The following TPH1 variants were observed in gnomAD, a reference collection of about 807,000 sequenced individuals.
The protein encoded by TPH1 is tryptophan 5-hydroxylase 1.
TPH1 carries 37 observed loss-of-function variants against 49.5 expected under a neutral mutation model. The ratio of observed to expected loss-of-function variants is 0.75; its 90% CI spans 0.58 to 0.98. The LOEUF (loss-of-function observed/expected upper bound fraction) is 0.98. Among genes scored for constraint, TPH1 ranks in the 50% least tolerant of loss-of-function variants. The pLI is 0.00. For missense variants in TPH1, 487 were observed against 523.6 expected (o/e 0.93, Z 0.68); for synonymous variants, 160 against 182.1 (o/e 0.88, Z 0.98).
rs1463666273 is a variant in TPH1 at position 18,019,902 on chromosome 11, C to T, written c.*1089G>A. ...CATTACTTACAGTCTCAGTCCTAAA[C>T]CACTCTTCTTGACCTTTCTGACATT... On this transcript the variant is annotated 3_prime_UTR_variant, in exon 11 of 11. Transcript: ENST00000682019. The T allele has an allele frequency of 2.7e-6, 1 of 371,626 alleles. No individual in the cohort carries two copies. Among genetic ancestry groups the T allele is most frequent in the Admixed American group, 3.5e-5 (1 of 28,300 alleles). The allele number at this position is 371,626 out of a possible 1,614,324, so 23.0% of individuals were successfully genotyped here.
In TPH1 at chr11:18,043,629, CAACA is replaced by C. The variant is rs1848117193; in HGVS notation, c.-27+2608_-27+2611del. On this transcript the variant is annotated intron_variant, in intron 1 of 10. Transcript: ENST00000682019. ...AAAAACAAAAACAAAAACAAACAAA[CAACA>C]ACAACAACAAAAACTATTATGAAGA... Among the ~76,000 whole-genome samples the C allele has an allele frequency of 3.3e-5, 5 of 150,790 alleles. No homozygotes were observed. In the South Asian group the frequency reaches 1.1e-3, roughly 32 times the overall value.
At chr11:18,038,665 C>T (rs974508377) in intron 2 of TPH1, among the ~76,000 whole-genome samples, 2 of 151,900 alleles carry the variant, frequency 1.3e-5, no homozygotes, top group African/African-American at 4.8e-5. Context: ...CACAAGGTTG[C>T]AAAAAAATTA....
In TPH1 at chr11:18,021,077, T is replaced by G. The variant is rs1194111800; in HGVS notation, c.1249A>C (p.Ile417Leu). 6.8e-6 allele frequency: 11 copies of G among 1,614,174 alleles called. No homozygotes were observed. The highest frequency in any genetic ancestry group is 9.3e-6 in the Non-Finnish European group (11 of 1,180,006). The change falls in exon 11 of 11, where the codon ATA (isoleucine) becomes CTA (leucine). Residue 417 changes from isoleucine to leucine, a missense_variant. By Grantham distance (5) the Ile-to-Leu change is conservative. Coordinates refer to ENST00000682019, the MANE Select transcript of TPH1 (RefSeq NM_004179.3). ...TGCAGCTCATTCATGGCACTGGTTATGCTCTTGGTGTCTTTCAGGATCTGA... is the reference window on the plus strand; with the variant it reads ...TGCAGCTCATTCATGGCACTGGTTAGGCTCTTGGTGTCTTTCAGGATCTGA... ...SIQILKDTKS[I>L]TSAMNELQHD...
intron 10 of TPH1, among the ~76,000 whole-genome samples, chr11:18,022,210 C>T (rs544276183): frequency 7.9e-5 from 12 of 152,330 alleles, no homozygotes; most frequent in Admixed American, 2.0e-4. Context: ...CAAGAATCTT[C>T]TAAAAAGTTT....
In TPH1 at chr11:18,040,774, A is replaced by T. The variant is rs1848093031; in HGVS notation, c.-12T>A. On this transcript the variant is annotated 5_prime_UTR_variant, in exon 2 of 11. Transcript: ENST00000682019. Reference sequence around the variant, plus strand: ...TTGTCTTCAATCATGATGAATTTGGAGTAATTCTCTAAAACTAAAGTATGA... The same window carrying T: ...TTGTCTTCAATCATGATGAATTTGGTGTAATTCTCTAAAACTAAAGTATGA... 2.5e-6 allele frequency: 4 copies of T among 1,610,832 alleles called. No homozygotes were observed. In the East Asian group the frequency reaches 8.9e-5, roughly 36 times the overall value.
intron 6 of TPH1, among the ~76,000 whole-genome samples, chr11:18,028,554 C>T (rs896733960): frequency 1.3e-5 from 2 of 152,152 alleles, no homozygotes; most frequent in Admixed American, 1.3e-4. Flanking sequence ...AAAGCTATAA[C>T]AGCCCCTAAA....
chr11:18,021,180 A>C lies in TPH1; in HGVS notation c.1161-15T>G, dbSNP rs1278698662. ...TGGTAAATTCTCTATTTAAGAAAAC[A>C]AATAGGAGACAATCAATTTCTAGGG... On this transcript the variant is annotated splice_polypyrimidine_tract_variant and intron_variant, in intron 10 of 10. Transcript: ENST00000682019. The C allele has an allele frequency of 6.2e-7, 1 of 1,610,414 alleles. No homozygotes were observed.
intron 6 of TPH1, among the ~76,000 whole-genome samples, 188 bp from the exon 7 acceptor site, chr11:18,026,813 C>G (rs888075608): frequency 1.3e-5 from 2 of 152,256 alleles, no homozygotes; most frequent in Non-Finnish European, 2.9e-5. Context: ...TGAGTTAGAC[C>G]TTTTACATAT....
chr11:18,037,424 A>G (rs1231012094), intron 2 of TPH1, among the ~76,000 whole-genome samples: 2 of 152,048 alleles, frequency 1.3e-5, no homozygotes, highest in Non-Finnish European at 2.9e-5. Context: ...GTGATAGAGG[A>G]TGTTAGAAAA....
intron 10 of TPH1, among the ~76,000 whole-genome samples, chr11:18,022,186 C>T (rs79493207): frequency 0.024 from 3,728 of 152,274 alleles, 120 homozygotes; most frequent in African/African-American, 0.08. Flanking sequence ...CATTTATTTT[C>T]GCCTGAAGTG....
chr11:18,038,573 A>C (rs1848068923), intron 2 of TPH1, among the ~76,000 whole-genome samples: 1 of 152,212 alleles, frequency 6.6e-6, no homozygotes, highest in Non-Finnish European at 1.5e-5. Context: ...TCAAGAATGA[A>C]ATAAAACAGG....
chr11:18,041,611 A>G (rs1848099152), intron 1 of TPH1, among the ~76,000 whole-genome samples: 1 of 152,236 alleles, frequency 6.6e-6, no homozygotes, highest in Admixed American at 6.5e-5. Flanking sequence ...CACGGAAGAA[A>G]CTAGGATATT....
rs997536333 is a variant in TPH1 at position 18,018,144 on chromosome 11, C to G, written c.*2847G>C. On this transcript the variant is annotated 3_prime_UTR_variant, in exon 11 of 11. Transcript: ENST00000682019. ...AGCGAGCTGAAATCACGCAACTGCG[C>G]TCCAGCCTGGGCAACAGAGTGAGAC... 6.6e-6 allele frequency: 1 copy of G among 150,726 alleles called. No homozygotes were observed. The highest frequency in any genetic ancestry group is 1.5e-5 in the Non-Finnish European group (1 of 67,806). The allele number at this position is 150,726 out of a possible 1,614,324, so 9.3% of individuals were successfully genotyped here. A position where few individuals can be genotyped will look rare whatever the true frequency, so the allele number is the denominator to read the frequency against.
In TPH1 at chr11:18,025,669, G is replaced by A. The variant is rs766845764; in HGVS notation, c.836C>T (p.Pro279Leu). Residue 279 changes from proline (P) to leucine (L), a missense_variant, in exon 8 of 11, where the codon CCG (proline) becomes CTG (leucine). By Grantham distance (98) the Pro-to-Leu change is moderately conservative. Transcript: ENST00000682019. ...GGCAAAACTAGGTTCAGCCAAAAGC[G>A]GGACATGACCTAAGAGTTCATGGCA... ...DTCHELLGHVPLLAEPSFAQF... is the reference protein window; with the variant it reads ...DTCHELLGHVLLLAEPSFAQF... The A allele has an allele frequency of 2.7e-5, 44 of 1,613,818 alleles. No homozygotes were observed. The highest frequency in any genetic ancestry group is 4.4e-5 in the South Asian group (4 of 91,072).
chr11:18,020,756 T>A lies in TPH1; in HGVS notation c.*235A>T. 2.1e-6 allele frequency: 1 copy of A among 472,250 alleles called. No individual in the cohort carries two copies. Among genetic ancestry groups the A allele is most frequent in the Non-Finnish European group, 3.9e-6 (1 of 258,966 alleles). 29.3% of individuals were successfully genotyped at this position (472,250 alleles called of 1,614,324 possible). A position where few individuals can be genotyped will look rare whatever the true frequency, so the allele number is the denominator to read the frequency against. On this transcript the variant is annotated 3_prime_UTR_variant, in exon 11 of 11. Coordinates refer to ENST00000682019, the MANE Select transcript of TPH1 (RefSeq NM_004179.3). ...AGTGGCTTGTATGGTATATAAATTGTCTCATTAAAGCTGCTACCAAAAAAA... is the reference window on the plus strand; with the variant it reads ...AGTGGCTTGTATGGTATATAAATTGACTCATTAAAGCTGCTACCAAAAAAA...
At chr11:18,031,205 A>G (rs1847987753) in intron 4 of TPH1, among the ~76,000 whole-genome samples, 1 of 152,198 alleles carries the variant, frequency 6.6e-6, no homozygotes, top group Non-Finnish European at 1.5e-5. Flanking sequence ...TTCATATAAA[A>G]GGAATCATAC....
chr11:18,026,732 G>T (rs916378632), intron 6 of TPH1, 107 bp from the exon 7 acceptor site: 4 of 1,367,376 alleles, frequency 2.9e-6, no homozygotes, highest in Non-Finnish European at 4.1e-6. Flanking sequence ...TGGAAGGCAT[G>T]GAAACTATAA....
intron 4 of TPH1, among the ~76,000 whole-genome samples, 169 bp from the exon 5 acceptor site, chr11:18,029,748 T>C (rs1458042639): frequency 6.6e-6 from 1 of 152,162 alleles, no homozygotes; most frequent in Non-Finnish European, 1.5e-5. Context: ...TTAAAGTCAA[T>C]GTTACATGAC....
chr11:18,032,697 C>T (rs1490675673), intron 4 of TPH1, among the ~76,000 whole-genome samples: 1 of 151,544 alleles, frequency 6.6e-6, no homozygotes. Flanking sequence ...AGGCGCCCGC[C>T]ACCACGCCCG....
Sources: gnomAD v4.1 joint callset for allele counts (sites outside exome capture counted in the v4.1 genomes callset) on GRCh38, gnomAD v4.1.1 for gene constraint, MANE v1.5 for transcripts, NCBI Gene and HGNC (gene_info 2026-07-23, HGNC 2026-07-21) for gene names.